The following CCNY variants were observed in gnomAD, a reference collection of about 807,000 sequenced individuals.
CCNY encodes cyclin-Y.
Under a neutral mutation model 42.8 loss-of-function variants are expected in CCNY, and 19 were observed. The observed-to-expected ratio is 0.44, with a 90% CI of 0.31 to 0.65. The LOEUF (loss-of-function observed/expected upper bound fraction) is 0.65, where lower values mean the gene tolerates loss of function less well. Ranked by LOEUF, CCNY falls within the 30% of genes least tolerant of loss-of-function variation. The pLI is 0.07. For missense variants in CCNY, 370 were observed against 437.3 expected, an observed-to-expected ratio of 0.85 and a Z score of 1.37; for synonymous variants, 165 against 162.7, an observed-to-expected ratio of 1.01 and a Z score of -0.11.
At chr10:35,271,887 T>A (rs1835175191) in intron 3 of CCNY, among the ~76,000 whole-genome samples, 1 of 152,144 alleles carries the variant, frequency 6.6e-6, no homozygotes, top group Admixed American at 6.6e-5. Context: ...CCAGTGAAAA[T>A]ACCACTAATG....
At chr10:35,349,977 G>A (rs1252007439) in intron 1 of CCNY, among the ~76,000 whole-genome samples, 1 of 152,184 alleles carries the variant, frequency 6.6e-6, no homozygotes, top group Non-Finnish European at 1.5e-5. Context: ...GGCCTCAGGG[G>A]TTGCAGGGGT....
chr10:35,464,784 C>A (rs1025010540), intron 1 of CCNY, among the ~76,000 whole-genome samples: 1 of 152,118 alleles, frequency 6.6e-6, no homozygotes, highest in South Asian at 2.1e-4. Context: ...ACACCTACAT[C>A]GAGTTGATTC....
chr10:35,439,467 T>C (rs1838617061), intron 1 of CCNY, among the ~76,000 whole-genome samples: 1 of 152,164 alleles, frequency 6.6e-6, no homozygotes, highest in East Asian at 1.9e-4. Context: ...TTGGTACTTG[T>C]TTATAGTTTT....
intron 7 of CCNY, among the ~76,000 whole-genome samples, chr10:35,551,625 A>G (rs1311737448): frequency 2.0e-5 from 3 of 152,242 alleles, no homozygotes; most frequent in Non-Finnish European, 2.9e-5. Flanking sequence ...CGTACTATCA[A>G]TAATAAACAG....
At chr10:35,283,783 T>TA (rs5784446) in intron 3 of CCNY, among the ~76,000 whole-genome samples, 3 of 151,876 alleles carry the variant, frequency 2.0e-5, no homozygotes, top group African/African-American at 4.8e-5. Context: ...ACGGTTTTTC[T>TA]AAAAAAATAG....
chr10:35,388,359 A>T (rs1218242867), intron 1 of CCNY, among the ~76,000 whole-genome samples: 1 of 152,228 alleles, frequency 6.6e-6, no homozygotes, highest in South Asian at 2.1e-4. Flanking sequence ...ACTAGGTGGC[A>T]CTGCAGTTTC....
intron 7 of CCNY, among the ~76,000 whole-genome samples, chr10:35,539,599 C>A (rs1371781908): frequency 6.6e-6 from 1 of 152,058 alleles, no homozygotes; most frequent in African/African-American, 2.4e-5. Flanking sequence ...CCATCCTGGC[C>A]AATATGGTGA....
chr10:35,564,975 A>AGTGGGTGGGCACCCT (rs1483514954), intron 8 of CCNY, among the ~76,000 whole-genome samples: 1 of 152,162 alleles, frequency 6.6e-6, no homozygotes, highest in Non-Finnish European at 1.5e-5. Flanking sequence ...GAGGGTGTGC[A>AGTGGGTGGGCACCCT]GTGGGTGGGC....
At chr10:35,263,972 C>T (rs2095722345) in intron 3 of CCNY, among the ~76,000 whole-genome samples, 1 of 152,186 alleles carries the variant, frequency 6.6e-6, no homozygotes. Context: ...TGAGGAATGG[C>T]TTCCAACTCT....
At chr10:35,512,476 G>GGA (rs1344625993) in intron 3 of CCNY, among the ~76,000 whole-genome samples, 1 of 152,166 alleles carries the variant, frequency 6.6e-6, no homozygotes, top group Admixed American at 6.5e-5. Context: ...GAAAGATGGG[G>GGA]GAAAGCAAGG....
At chr10:35,446,264 CT>C (rs1312961385) in intron 1 of CCNY, among the ~76,000 whole-genome samples, 4 of 152,174 alleles carry the variant, frequency 2.6e-5, no homozygotes, top group African/African-American at 9.7e-5. Context: ...CAGTACAATA[CT>C]TTATCATCTG....
At chr10:35,315,751 A>G (rs1370173409) in intron 3 of CCNY, among the ~76,000 whole-genome samples, 1 of 152,126 alleles carries the variant, frequency 6.6e-6, no homozygotes, top group Non-Finnish European at 1.5e-5. Flanking sequence ...CAAGCTCCCC[A>G]GCATCTGTTA....
chr10:35,347,740 A>C (rs981407074), intron 1 of CCNY, among the ~76,000 whole-genome samples: 5 of 152,146 alleles, frequency 3.3e-5, no homozygotes, highest in Non-Finnish European at 7.4e-5. Flanking sequence ...TCTGTCTATT[A>C]ATGATTATAT....
chr10:35,517,658 C>T (rs1327326562), intron 4 of CCNY, among the ~76,000 whole-genome samples: 1 of 152,172 alleles, frequency 6.6e-6, no homozygotes, highest in Non-Finnish European at 1.5e-5. Flanking sequence ...TGCCTGTTGG[C>T]ACTGCGCTTG....
At chr10:35,326,602 G>A (rs1157007784) in intron 3 of CCNY, among the ~76,000 whole-genome samples, 8 of 152,136 alleles carry the variant, frequency 5.3e-5, no homozygotes, top group Non-Finnish European at 8.8e-5. Context: ...TCCTGGATCA[G>A]AACCATTGCT....
At chr10:35,468,874 T>G (rs1318714513) in intron 1 of CCNY, among the ~76,000 whole-genome samples, 1 of 152,124 alleles carries the variant, frequency 6.6e-6, no homozygotes, top group African/African-American at 2.4e-5. Context: ...GGGCAGTTGC[T>G]CCCCCTGCCA....
chr10:35,553,391 A>G (rs532420317), intron 8 of CCNY, among the ~76,000 whole-genome samples: 1 of 152,286 alleles, frequency 6.6e-6, no homozygotes, highest in South Asian at 2.1e-4. Flanking sequence ...TTGAACAGGT[A>G]CTGGTAACAC....
At position 35,350,534 on chromosome 10, in the gene CCNY, TA is replaced by T. The variant is rs111704256; in HGVS notation, c.154+13328del. ...TGGTTCAGGTGCTGAATTGGTTTTGTATCTTTGTGGACTGTTTGAAATCTCA... is the reference window on the plus strand; with the variant it reads ...TGGTTCAGGTGCTGAATTGGTTTTGTTCTTTGTGGACTGTTTGAAATCTCA... On this transcript the variant is annotated intron_variant, in intron 1 of 9. Coordinates refer to ENST00000374704, the MANE Select transcript of CCNY (RefSeq NM_145012.6). Among the ~76,000 whole-genome samples, 509 of 152,328 alleles carry T rather than the reference TA, an allele frequency of 3.3e-3. 4 individuals carry two copies. The highest frequency in any genetic ancestry group is 0.012 in the African/African-American group (479 of 41,578).
At chr10:35,447,694 A>G (rs1838823577) in intron 1 of CCNY, among the ~76,000 whole-genome samples, 1 of 152,212 alleles carries the variant, frequency 6.6e-6, no homozygotes, top group Admixed American at 6.5e-5. Context: ...CATTTCTGCC[A>G]TGAAATGCCA....
Sources: gnomAD v4.1 joint callset for allele counts (sites outside exome capture counted in the v4.1 genomes callset) on GRCh38, gnomAD v4.1.1 for gene constraint, MANE v1.5 for transcripts, NCBI Gene and HGNC (gene_info 2026-07-23, HGNC 2026-07-21) for gene names.